The following TRMT44 variants were observed in gnomAD, a reference collection of about 807,000 sequenced individuals.
TRMT44 encodes tRNA methyltransferase 44 homolog.
TRMT44 carries 78 observed loss-of-function variants against 77.3 expected under a neutral mutation model. That is an observed-to-expected ratio of 1.01 (90% CI 0.84 to 1.22). The LOEUF (loss-of-function observed/expected upper bound fraction) is 1.22, where lower values mean the gene tolerates loss of function less well. TRMT44 is among the 50% of genes most tolerant of loss of function. TRMT44 has a pLI of 0.00. For missense variants in TRMT44, 1,090 were observed against 964.4 expected, an observed-to-expected ratio of 1.13 and a Z score of -1.73; for synonymous variants, 391 against 383.3, an observed-to-expected ratio of 1.02 and a Z score of -0.23.
intron 10 of TRMT44, 71 bp downstream of exon 10, chr4:8,471,271 A>G (rs956348727): frequency 3.7e-5 from 42 of 1,130,424 alleles, no homozygotes; most frequent in Middle Eastern, 4.1e-4. Flanking sequence ...ATAATGTTTT[A>G]TTTTAGAGTG....
the TRMT44 span, among the ~76,000 whole-genome samples, chr4:8,514,966 ATTTG>A: frequency 2.0e-5 from 3 of 151,812 alleles, no homozygotes; most frequent in African/African-American, 7.3e-5. Context: ...CAATTTATTT[ATTTG>A]TTATTATTAT....
the TRMT44 span, among the ~76,000 whole-genome samples, chr4:8,500,562 A>G: frequency 6.6e-6 from 1 of 151,900 alleles, no homozygotes; most frequent in African/African-American, 2.4e-5. Flanking sequence ...CTTAGCTGAG[A>G]CTCAGCTCAG....
the TRMT44 span, among the ~76,000 whole-genome samples, chr4:8,499,670 A>G: frequency 6.6e-6 from 1 of 152,056 alleles, no homozygotes; most frequent in African/African-American, 2.4e-5. Context: ...ACAATAAACT[A>G]AATACCGTGT....
intron 2 of TRMT44, among the ~76,000 whole-genome samples, chr4:8,490,169 C>A (rs956810366): frequency 1.3e-5 from 2 of 152,104 alleles, no homozygotes; most frequent in Non-Finnish European, 2.9e-5. Context: ...TGGCCACCCC[C>A]ACGCCTTCCC....
chr4:8,475,391 A>G (rs1381161436), intron 10 of TRMT44, among the ~76,000 whole-genome samples: 1 of 152,192 alleles, frequency 6.6e-6, no homozygotes, highest in Non-Finnish European at 1.5e-5. Context: ...CTCAATGATG[A>G]GGCCACAAGG....
At chr4:8,474,988 G>A (rs1727281999) in intron 10 of TRMT44, among the ~76,000 whole-genome samples, 1 of 152,224 alleles carries the variant, frequency 6.6e-6, no homozygotes, top group African/African-American at 2.4e-5. Context: ...TTGGGTCCCA[G>A]TGGCACTTTC....
At chr4:8,473,587 A>G (rs1727171154) in intron 10 of TRMT44, 1 of 152,432 alleles carries the variant, frequency 6.6e-6, no homozygotes, top group South Asian at 2.1e-4. Flanking sequence ...CTGCTGTCAG[A>G]AGCAGTGGTG....
chr4:8,452,765 T>G lies in TRMT44; in HGVS notation c.1024-117T>G. ...AAGAAAAAAAAAAAAGAATGTTTAG[T>G]GTAGATGATTTCAAGTTTCCTTTCA... On this transcript the variant is annotated intron_variant, in intron 4 of 10. Transcript: ENST00000389737. The surrounding 1 kb of genome is among the most constrained non-coding windows in gnomAD (Gnocchi z 5.7). 8.7e-6 allele frequency: 5 copies of G among 572,730 alleles called. No homozygotes were observed. Among genetic ancestry groups the G allele is most frequent in the Non-Finnish European group, 1.5e-5 (5 of 331,536 alleles). The allele number at this position is 572,730 out of a possible 1,614,324, so 35.5% of individuals were successfully genotyped here. A position where few individuals can be genotyped will look rare whatever the true frequency, so the allele number is the denominator to read the frequency against.
chr4:8,440,979 T>A lies in TRMT44; in HGVS notation c.157T>A (p.Cys53Ser). 2 of 1,524,784 alleles carry A rather than the reference T, an allele frequency of 1.3e-6. No individual in the cohort carries two copies. Among genetic ancestry groups the A allele is most frequent in the African/African-American group, 1.4e-5 (1 of 72,264 alleles). The allele number at this position is 1,524,784 out of a possible 1,614,324, so 94.5% of individuals were successfully genotyped here. ...GGCCCGCTGGAGCGCCGCCCTGCCC[T>A]GCGCGGAGGCCCGCGGCCCCGGGAC... ...LEARWSAALP[C>S]AEARGPGTSA... Residue 53 changes from cysteine (C) to serine (S), a missense_variant, in exon 1 of 11, where the codon TGC becomes AGC. Cys to Ser is a moderately radical substitution (Grantham distance 112, BLOSUM62 -1). Transcript: ENST00000389737.
intron 6 of TRMT44, among the ~76,000 whole-genome samples, chr4:8,458,732 G>A (rs370903671): frequency 2.0e-5 from 3 of 152,068 alleles, no homozygotes; most frequent in East Asian, 3.9e-4. Flanking sequence ...TGTGATTACA[G>A]GTGTGAACCA....
In TRMT44 at chr4:8,489,828, T is replaced by C. The variant is rs547672867; in HGVS notation, n.3892-3438T>C. ...GCTTTGCCCCAAACTCAACTGCTTT[T>C]GTAAAGCTAATGGAAGGCCGTCAGA... On this transcript the variant is annotated intron_variant and non_coding_transcript_variant, in intron 2 of 2. Coordinates refer to the TRMT44 transcript ENST00000511366. Among the ~76,000 whole-genome samples, 12 of 152,278 alleles carry C rather than the reference T, an allele frequency of 7.9e-5. No individual in the cohort carries two copies. The South Asian group carries it at 2.5e-3, about 32-fold the overall frequency.
chr4:8,449,468 G>T (rs955809878), intron 2 of TRMT44, among the ~76,000 whole-genome samples: 2 of 152,210 alleles, frequency 1.3e-5, no homozygotes, highest in Non-Finnish European at 2.9e-5. Flanking sequence ...AACAAAGTTT[G>T]CAAGAAAAGA....
chr4:8,467,191 G>T (rs1461937886), intron 8 of TRMT44, among the ~76,000 whole-genome samples: 2 of 152,218 alleles, frequency 1.3e-5, no homozygotes, highest in Non-Finnish European at 2.9e-5. Flanking sequence ...GCAAGGTGGG[G>T]ACAAAGCTGC....
downstream of TRMT44, among the ~76,000 whole-genome samples, chr4:8,496,588 A>G (rs1219524294): frequency 6.6e-6 from 1 of 152,150 alleles, no homozygotes; most frequent in Non-Finnish European, 1.5e-5. Context: ...AGCTCCTCTA[A>G]ATGAGATGCA....
intron 1 of TRMT44, among the ~76,000 whole-genome samples, chr4:8,443,941 C>T (rs927522378): frequency 6.7e-6 from 1 of 150,042 alleles, no homozygotes; most frequent in Non-Finnish European, 1.5e-5. Context: ...GCCTGGGCAG[C>T]AGACGGGGAC....
intron 10 of TRMT44, among the ~76,000 whole-genome samples, chr4:8,471,913 G>A (rs1727030920): frequency 6.6e-6 from 1 of 152,204 alleles, no homozygotes; most frequent in African/African-American, 2.4e-5. Flanking sequence ...ATCATCTGCA[G>A]CTTCCAGGTG....
At chr4:8,512,765 C>G in the TRMT44 span, among the ~76,000 whole-genome samples, 1 of 152,140 alleles carries the variant, frequency 6.6e-6, no homozygotes, top group African/African-American at 2.4e-5. Flanking sequence ...TCAGGAATTT[C>G]TTTATGAATG....
At chr4:8,493,487 GAAT>G (rs1422353938) in exon 3 of TRMT44, 2 of 152,110 alleles carry the variant, frequency 1.3e-5, no homozygotes, top group East Asian at 3.8e-4. Flanking sequence ...AGACTGATTT[GAAT>G]AATAATAAAA....
At chr4:8,515,604 A>C in the TRMT44 span, among the ~76,000 whole-genome samples, 1 of 152,140 alleles carries the variant, frequency 6.6e-6, no homozygotes, top group East Asian at 1.9e-4. Flanking sequence ...AAAGGCTTTC[A>C]GGGGGATATG....
Sources: gnomAD v4.1 joint callset for allele counts (sites outside exome capture counted in the v4.1 genomes callset) on GRCh38, gnomAD v4.1.1 for gene constraint, Gnocchi (gnomAD v3.1) non-coding constraint, MANE v1.5 for transcripts, NCBI Gene and HGNC (gene_info 2026-07-23, HGNC 2026-07-21) for gene names.